The following GALNTL6 variants were observed in gnomAD, a reference collection of about 807,000 sequenced individuals.
GALNTL6 encodes polypeptide N-acetylgalactosaminyltransferase-like 6.
A neutral mutation model predicts 73.7 loss-of-function variants in GALNTL6; 46 were observed. That is an observed-to-expected ratio of 0.62 (90% CI 0.49 to 0.80). The LOEUF (loss-of-function observed/expected upper bound fraction) is 0.80. GALNTL6 is among the 30% of genes least tolerant of loss of function. The pLI is 0.00. For synonymous variants in GALNTL6, 259 were observed against 263.7 expected (o/e 0.98, Z 0.17); for missense variants, 604 against 755.0 (o/e 0.80, Z 2.34).
At chr4:172,705,118 C>G (rs1453952976) in intron 5 of GALNTL6, among the ~76,000 whole-genome samples, 2 of 151,564 alleles carry the variant, frequency 1.3e-5, no homozygotes, top group Non-Finnish European at 2.9e-5. Flanking sequence ...GGGTCTTGTA[C>G]TTTTATCCAT....
intron 3 of GALNTL6, 61 bp from the exon 4 acceptor site, chr4:172,311,553 G>C: frequency 2.7e-6 from 4 of 1,459,078 alleles, no homozygotes; most frequent in Non-Finnish European, 3.7e-6. Flanking sequence ...CTTCCTATCT[G>C]TTCTAGAAGA....
rs560792045 is a variant in GALNTL6, at chr4:172,729,288, CA to C, written c.554-80066del. ...TCGCCTGTGCTTTTGAGGTCTTACA[CA>C]AAAAAATCTTTTCTCAAATAAATGT... On this transcript the variant is annotated intron_variant, in intron 5 of 12. Transcript: ENST00000506823. 1.0e-3 allele frequency among the ~76,000 whole-genome samples: 152 copies of C among 152,092 alleles called. 2 individuals are homozygous for C. In the South Asian group the frequency reaches 0.021, roughly 21 times the overall value.
chr4:171,949,197 C>T (rs1474130746), intron 2 of GALNTL6, among the ~76,000 whole-genome samples: 1 of 152,132 alleles, frequency 6.6e-6, no homozygotes, highest in Non-Finnish European at 1.5e-5. Context: ...CTCTGCCCAG[C>T]ATTGTAGGGG....
chr4:171,859,881 G>C (rs956349081), intron 2 of GALNTL6, among the ~76,000 whole-genome samples: 1 of 152,178 alleles, frequency 6.6e-6, no homozygotes, highest in Non-Finnish European at 1.5e-5. Flanking sequence ...AGGTCACATG[G>C]TTAAGGTAAA....
intron 2 of GALNTL6, among the ~76,000 whole-genome samples, chr4:172,120,574 T>C (rs1191119263): frequency 6.6e-6 from 1 of 152,074 alleles, no homozygotes; most frequent in African/African-American, 2.4e-5. Context: ...TAAAGTAACA[T>C]ATTGATAGGT....
chr4:171,923,254 C>G (rs890820968), intron 2 of GALNTL6, among the ~76,000 whole-genome samples: 1 of 152,230 alleles, frequency 6.6e-6, no homozygotes, highest in Middle Eastern at 3.4e-3. Context: ...TCGTTAGAGA[C>G]AGGGTTGACT....
At chr4:172,633,139 C>A (rs1481590013) in intron 5 of GALNTL6, among the ~76,000 whole-genome samples, 1 of 152,152 alleles carries the variant, frequency 6.6e-6, no homozygotes, top group East Asian at 1.9e-4. Flanking sequence ...CACACAGAGT[C>A]CCCACTGAAG....
At chr4:172,389,622 G>T (rs1425228229) in intron 5 of GALNTL6, among the ~76,000 whole-genome samples, 2 of 152,098 alleles carry the variant, frequency 1.3e-5, no homozygotes, top group Non-Finnish European at 2.9e-5. Flanking sequence ...TGCATCTGAA[G>T]AAGGTAGGAG....
intron 5 of GALNTL6, among the ~76,000 whole-genome samples, chr4:172,466,758 A>T (rs2111454071): frequency 6.6e-6 from 1 of 152,346 alleles, no homozygotes; most frequent in Admixed American, 6.5e-5. Context: ...AAATAGGATT[A>T]TCTCAGGTAA....
intron 2 of GALNTL6, among the ~76,000 whole-genome samples, chr4:171,868,534 T>C (rs1014889146): frequency 8.5e-5 from 13 of 152,162 alleles, no homozygotes; most frequent in Non-Finnish European, 1.8e-4. Context: ...TTGACACAAA[T>C]ATCCAGCAGC....
At chr4:172,651,792 T>G (rs1740487544) in intron 5 of GALNTL6, among the ~76,000 whole-genome samples, 1 of 152,144 alleles carries the variant, frequency 6.6e-6, no homozygotes, top group Non-Finnish European at 1.5e-5. Context: ...GAAAGTAAAA[T>G]TAAATTTGCA....
intron 5 of GALNTL6, among the ~76,000 whole-genome samples, chr4:172,616,261 T>C (rs17058675): frequency 0.032 from 4,822 of 152,260 alleles, 117 homozygotes; most frequent in South Asian, 0.091. Context: ...TTAACCTCAA[T>C]GCTCAATCGT....
At chr4:172,853,237 T>C (rs1256654538) in intron 7 of GALNTL6, among the ~76,000 whole-genome samples, 1 of 152,188 alleles carries the variant, frequency 6.6e-6, no homozygotes, top group Non-Finnish European at 1.5e-5. Context: ...TCTGTGTGAC[T>C]GAAAGCTTCA....
At chr4:171,881,519 G>A (rs1736447978) in intron 2 of GALNTL6, among the ~76,000 whole-genome samples, 1 of 152,060 alleles carries the variant, frequency 6.6e-6, no homozygotes, top group African/African-American at 2.4e-5. Flanking sequence ...GATTAAGGGT[G>A]GATCTGCCCT....
At chr4:172,578,209 C>A (rs537760943) in intron 5 of GALNTL6, among the ~76,000 whole-genome samples, 80 of 152,270 alleles carry the variant, frequency 5.3e-4, no homozygotes, top group Admixed American at 8.5e-4. Context: ...AAAAAAATTT[C>A]TCACAAAAGC....
At chr4:172,907,602 G>T (rs889245587) in intron 8 of GALNTL6, among the ~76,000 whole-genome samples, 1 of 152,168 alleles carries the variant, frequency 6.6e-6, no homozygotes, top group Non-Finnish European at 1.5e-5. Flanking sequence ...TACATTCCAA[G>T]ACCCCAAATG....
At chr4:172,708,305 A>G (rs2111315882) in intron 5 of GALNTL6, among the ~76,000 whole-genome samples, 1 of 152,278 alleles carries the variant, frequency 6.6e-6, no homozygotes, top group Non-Finnish European at 1.5e-5. Flanking sequence ...TAATCCGCCC[A>G]ACTTAGCCTA....
intron 2 of GALNTL6, among the ~76,000 whole-genome samples, chr4:172,149,627 C>T (rs758918349): frequency 7.9e-5 from 12 of 152,074 alleles, no homozygotes; most frequent in African/African-American, 1.9e-4. Context: ...CCCAAGTCAC[C>T]GGGGGATGCT....
rs1736196900 is a variant in GALNTL6, at chr4:171,873,707, A to G, written c.138+58989A>G. 2.0e-5 allele frequency among the ~76,000 whole-genome samples: 3 copies of G among 152,292 alleles called. No homozygotes were observed. The South Asian group carries it at 6.2e-4, about 32-fold the overall frequency. On this transcript the variant is annotated intron_variant, in intron 2 of 12. Coordinates refer to ENST00000506823, the MANE Select transcript of GALNTL6 (RefSeq NM_001034845.3). ...TCTCAATTACCTATAAAAAAGTTATATATGGGTTCTACTCATATATAACTT... is the reference window on the plus strand; with the variant it reads ...TCTCAATTACCTATAAAAAAGTTATGTATGGGTTCTACTCATATATAACTT...
Sources: gnomAD v4.1 joint callset for allele counts (sites outside exome capture counted in the v4.1 genomes callset) on GRCh38, gnomAD v4.1.1 for gene constraint, MANE v1.5 for transcripts, NCBI Gene and HGNC (gene_info 2026-07-23, HGNC 2026-07-21) for gene names.